TPI1: variants seen among roughly 807,000 people sequenced by gnomAD.
TPI1 encodes triosephosphate isomerase.
Under a neutral mutation model 31.0 loss-of-function variants are expected in TPI1, and 11 were observed. That is an observed-to-expected ratio of 0.36 (90% CI 0.22 to 0.59). The LOEUF is 0.59. TPI1 is among the 20% of genes least tolerant of loss of function. The probability of loss-of-function intolerance (pLI) is 0.79; values close to 1 mark genes in which losing one functional copy is unlikely to be tolerated. For synonymous variants in TPI1, 121 were observed against 122.8 expected, an observed-to-expected ratio of 0.99 and a Z score of 0.10; for missense variants, 245 against 319.7, an observed-to-expected ratio of 0.77 and a Z score of 1.78.
chr12:6,869,713 C>T lies in TPI1; in HGVS notation c.483C>T (p.Val161=), dbSNP rs1555132373. The T allele has an allele frequency of 9.9e-6, 16 of 1,614,226 alleles. No homozygotes were observed. The highest frequency in any genetic ancestry group is 3.3e-5 in the Admixed American group (2 of 60,030). Reference sequence around the variant, plus strand: ...ATAACGTGAAGGACTGGAGCAAGGTCGTCCTGGCCTATGAGCCTGTGTGGG... The same window carrying T: ...ATAACGTGAAGGACTGGAGCAAGGTTGTCCTGGCCTATGAGCCTGTGTGGG... ...IADNVKDWSK[V]VLAYEPVWAI... is the part of the protein sequence containing the mutation. The change falls in exon 5 of 7, where the codon GTC becomes GTT. Residue 161 remains valine, a synonymous_variant. Transcript: ENST00000396705.
At chr12:6,870,172 G>A (rs782174861) in intron 6 of TPI1, 36 bp downstream of exon 6, 5 of 1,605,070 alleles carry the variant, frequency 3.1e-6, no homozygotes, top group Non-Finnish European at 4.3e-6. Context: ...GGTGGAGTGG[G>A]CTGAGGACTA....
Position 6,870,393 on chromosome 12 carries a change from A to G in TPI1, c.*10A>G. 1.3e-6 allele frequency: 2 copies of G among 1,598,098 alleles called. No individual in the cohort carries two copies. The highest frequency in any genetic ancestry group is 1.7e-6 in the Non-Finnish European group (2 of 1,166,328). On this transcript the variant is annotated 3_prime_UTR_variant, in exon 7 of 7. Coordinates refer to ENST00000396705, the MANE Select transcript of TPI1 (RefSeq NM_000365.6). ...CAATGCCAAACAATGAGCCCCATCC[A>G]TCTTCCCTACCCTTCCTGCCAAGCC... is the stretch of plus-strand genomic sequence containing the variant.
intron 1 of TPI1, chr12:6,868,356 C>T: frequency 7.8e-7 from 1 of 1,287,892 alleles, no homozygotes; most frequent in Admixed American, 2.3e-5. Context: ...GGATGCTCTC[C>T]TCCATCCTCC....
intron 5 of TPI1, 51 bp from the exon 6 acceptor site, chr12:6,869,998 T>C: frequency 6.3e-7 from 1 of 1,597,366 alleles, no homozygotes; most frequent in Non-Finnish European, 8.6e-7. Context: ...CAGTGATTTT[T>C]CCTCTTAGAG....
chr12:6,870,029 A>G lies in TPI1; in HGVS notation c.544-20A>G. 1.9e-6 allele frequency: 3 copies of G among 1,613,962 alleles called. No homozygotes were observed. Among genetic ancestry groups the G allele is most frequent in the Non-Finnish European group, 2.5e-6 (3 of 1,179,818 alleles). ...TAGAGAGGCAGAAAAGGTCTTACTTAGGCCAGCTTCTTGTTCTAGGCCCAG... is the reference window on the plus strand; with the variant it reads ...TAGAGAGGCAGAAAAGGTCTTACTTGGGCCAGCTTCTTGTTCTAGGCCCAG... On this transcript the variant is annotated intron_variant, in intron 5 of 6. Coordinates refer to ENST00000396705, the MANE Select transcript of TPI1 (RefSeq NM_000365.6).
chr12:6,867,547 A>C lies in TPI1; in HGVS notation c.-20A>C. 6.2e-7 allele frequency: 1 copy of C among 1,610,382 alleles called. No individual in the cohort carries two copies. The highest frequency in any genetic ancestry group is 8.5e-7 in the Non-Finnish European group (1 of 1,178,744). On this transcript the variant is annotated 5_prime_UTR_variant, in exon 1 of 7. Coordinates refer to ENST00000396705, the MANE Select transcript of TPI1 (RefSeq NM_000365.6). ...CGACTGCGCGCAGACACTGACCTTC[A>C]GCGCCTCGGCTCCAGCGCCATGGCG...
At chr12:6,870,178 G>A (rs1944556247) in intron 6 of TPI1, 42 bp downstream of exon 6, 1 of 1,600,186 alleles carries the variant, frequency 6.2e-7, no homozygotes, top group Non-Finnish European at 8.6e-7. Context: ...GTGGGCTGAG[G>A]ACTAGACTGA....
intron 1 of TPI1, chr12:6,868,560 C>T: frequency 1.5e-6 from 2 of 1,304,322 alleles, no homozygotes; most frequent in Middle Eastern, 3.1e-4. Flanking sequence ...CTGGAGAATG[C>T]TGAGTCTGTG....
In TPI1 at chr12:6,870,350, C is replaced by T. The variant is rs1447240154; in HGVS notation, c.717C>T (p.Pro239=). ...GFLVGGASLK[P]EFVDIINAKQ ...TTGTGGGTGGTGCTTCCCTCAAGCC[C>T]GAATTCGTGGACATCATCAATGCCA... is the stretch of plus-strand genomic sequence containing the variant. Residue 239 remains proline, a synonymous_variant, in exon 7 of 7, where the codon CCC becomes CCT. Coordinates refer to ENST00000396705, the MANE Select transcript of TPI1 (RefSeq NM_000365.6). 6 of 1,613,874 alleles carry T rather than the reference C, an allele frequency of 3.7e-6. No individual in the cohort carries two copies. The highest frequency in any genetic ancestry group is 1.3e-5 in the African/African-American group (1 of 74,880).
rs1555131960 is a variant in TPI1, at chr12:6,868,542, G to A, written c.116-322G>A. The A allele has an allele frequency of 2.3e-6, 3 of 1,289,608 alleles. No homozygotes were observed. The African/African-American group carries it at 4.5e-5, about 19-fold the overall frequency. The allele number at this position is 1,289,608 out of a possible 1,614,324, so 79.9% of individuals were successfully genotyped here. On this transcript the variant is annotated intron_variant, in intron 1 of 6. Coordinates refer to ENST00000396705, the MANE Select transcript of TPI1 (RefSeq NM_000365.6). ...TGGGCTATTTTAGAAGGGAAGCAGGGTTGCTCCCTGGAGAATGCTGAGTCT... is the reference window on the plus strand; with the variant it reads ...TGGGCTATTTTAGAAGGGAAGCAGGATTGCTCCCTGGAGAATGCTGAGTCT...
chr12:6,869,427 G>C, intron 4 of TPI1, 37 bp downstream of exon 4: 1 of 1,613,562 alleles, frequency 6.2e-7, no homozygotes, highest in African/African-American at 1.3e-5. Context: ...GCCTATCCAG[G>C]GCCACAGAGA....
At chr12:6,868,625 G>A (rs1944512537) in intron 1 of TPI1, 13 of 1,360,322 alleles carry the variant, frequency 9.6e-6, no homozygotes, top group Middle Eastern at 2.7e-4. Context: ...TGTTAAAAGA[G>A]CAGAGGGCAG....
chr12:6,868,277 T>G, intron 1 of TPI1: 1 of 1,287,542 alleles, frequency 7.8e-7, no homozygotes, highest in Non-Finnish European at 1.0e-6. Flanking sequence ...TCCTACCGCT[T>G]TCCCCAACCT....
intron 2 of TPI1, 51 bp from the exon 3 acceptor site, chr12:6,869,048 A>G (rs1485434419): frequency 6.2e-7 from 1 of 1,613,986 alleles, no homozygotes; most frequent in African/African-American, 1.3e-5. Flanking sequence ...GTTGAGGGGA[A>G]AGCCACAGGG....
rs139831161 is a variant in TPI1 at position 6,867,946 on chromosome 12, G to A, written c.115+265G>A. 0.01 allele frequency among the ~76,000 whole-genome samples: 1,542 copies of A among 152,258 alleles called. 32 individuals are homozygous for A. The highest frequency in any genetic ancestry group is 0.035 in the African/African-American group (1,458 of 41,560). Reference sequence around the variant, plus strand: ...GTTTTGGGTCTCCTGGAGGAAGGTGGCCCCGGGGCGCGCACTGGGGCTGTG... The same window carrying A: ...GTTTTGGGTCTCCTGGAGGAAGGTGACCCCGGGGCGCGCACTGGGGCTGTG... On this transcript the variant is annotated intron_variant, in intron 1 of 6. Coordinates refer to ENST00000396705, the MANE Select transcript of TPI1 (RefSeq NM_000365.6).
rs782236235 is a variant in TPI1, at chr12:6,870,714, C to T, written c.*331C>T. Reference sequence around the variant, plus strand: ...AGAGAAACCATCCTCTCCCTTCTTACACCGTGAGGCCAAGATCCCCTCAGA... The same window carrying T: ...AGAGAAACCATCCTCTCCCTTCTTATACCGTGAGGCCAAGATCCCCTCAGA... On this transcript the variant is annotated 3_prime_UTR_variant, in exon 7 of 7. Coordinates refer to ENST00000396705, the MANE Select transcript of TPI1 (RefSeq NM_000365.6). 1.8e-6 allele frequency: 1 copy of T among 564,486 alleles called. No individual in the cohort carries two copies. The highest frequency in any genetic ancestry group is 1.9e-5 in the Admixed American group (1 of 51,420). The allele number at this position is 564,486 out of a possible 1,614,324, so 35.0% of individuals were successfully genotyped here.
At chr12:6,868,436 C>G (rs1278891390) in intron 1 of TPI1, 1 of 1,289,908 alleles carries the variant, frequency 7.8e-7, no homozygotes, top group East Asian at 5.5e-5. Flanking sequence ...CGTTCATTCC[C>G]CAGAGGCCTC....
intron 1 of TPI1, chr12:6,868,538 C>G (rs1189330199): frequency 4.7e-6 from 6 of 1,282,764 alleles, no homozygotes; most frequent in Non-Finnish European, 6.0e-6. Context: ...AGAAGGGAAG[C>G]AGGGTTGCTC....
intron 1 of TPI1, chr12:6,868,273 C>G: frequency 7.8e-7 from 1 of 1,287,604 alleles, no homozygotes; most frequent in South Asian, 1.2e-5. Context: ...GCCATCCTAC[C>G]GCTTTCCCCA....
Sources: gnomAD v4.1 joint callset for allele counts (sites outside exome capture counted in the v4.1 genomes callset) on GRCh38, gnomAD v4.1.1 for gene constraint, MANE v1.5 for transcripts, NCBI Gene and HGNC (gene_info 2026-07-23, HGNC 2026-07-21) for gene names.